Variants in SHISA6 observed in about 807,000 individuals in gnomAD.
The protein encoded by SHISA6 is protein shisa-6.
In SHISA6, 22 loss-of-function variants were observed where a neutral mutation model predicts 47.9. The ratio of observed to expected loss-of-function variants is 0.46; its 90% CI spans 0.33 to 0.66. SHISA6 has a LOEUF of 0.66. Ranked by LOEUF, SHISA6 falls within the 30% of genes least tolerant of loss-of-function variation. The pLI is 0.02. For synonymous variants in SHISA6, 388 were observed against 337.8 expected, an observed-to-expected ratio of 1.15 and a Z score of -1.63; for missense variants, 680 against 764.6, an observed-to-expected ratio of 0.89 and a Z score of 1.30.
chr17:11,280,984 G>A (rs907692409), intron 2 of SHISA6, among the ~76,000 whole-genome samples: 12 of 152,102 alleles, frequency 7.9e-5, no homozygotes, highest in African/African-American at 2.9e-4. Flanking sequence ...TTTATTGGTG[G>A]TATATAAAAA....
Position 11,368,863 on chromosome 17 carries a change from G to A in SHISA6, c.800-10551G>A, listed in dbSNP as rs552559349. 5.9e-5 allele frequency among the ~76,000 whole-genome samples: 9 copies of A among 152,188 alleles called. No homozygotes were observed. The South Asian group carries it at 1.9e-3, about 32-fold the overall frequency. Reference sequence around the variant, plus strand: ...GTAGAGACAGGGTTTCACTATGTTGGTCAGGCTGGTCTCGAACTCCTGACT... The same window carrying A: ...GTAGAGACAGGGTTTCACTATGTTGATCAGGCTGGTCTCGAACTCCTGACT... On this transcript the variant is annotated intron_variant, in intron 2 of 5. Coordinates refer to ENST00000441885, the MANE Select transcript of SHISA6 (RefSeq NM_207386.4).
intron 3 of SHISA6, among the ~76,000 whole-genome samples, chr17:11,411,223 C>T (rs1378208564): frequency 6.6e-6 from 1 of 152,176 alleles, no homozygotes; most frequent in African/African-American, 2.4e-5. Context: ...CCACCTCGGC[C>T]TCCCAAAGTG....
Position 11,241,501 on chromosome 17 carries a change from C to A in SHISA6, c.79C>A (p.Arg27Ser). The A allele has an allele frequency of 1.7e-6, 2 of 1,158,972 alleles. No individual in the cohort carries two copies. The highest frequency in any genetic ancestry group is 5.8e-5 in the East Asian group (1 of 17,310). 71.8% of individuals were successfully genotyped at this position (1,158,972 alleles called of 1,614,324 possible). A position where few individuals can be genotyped will look rare whatever the true frequency, so the allele number is the denominator to read the frequency against. The change falls in exon 1 of 6, where the codon CGC (arginine) becomes AGC (serine). Residue 27 changes from arginine (R) to serine (S), a missense_variant. By Grantham distance (110) the Arg-to-Ser change is moderately radical. Transcript: ENST00000441885. The surrounding 1 kb of genome is among the most constrained non-coding windows in gnomAD (Gnocchi z 5.5). ...CCTGCTGCCCAGCGTCCACGGAGCC[C>A]GCGGCCGCGCCGCCAACCGGACCCT... ...LDLLPSVHGA[R>S]GRAANRTLSA...
intron 3 of SHISA6, among the ~76,000 whole-genome samples, chr17:11,407,183 A>G (rs7212072): frequency 0.53 from 79,813 of 151,182 alleles, 22,186 homozygotes; most frequent in African/African-American, 0.67. Flanking sequence ...ACCGTCTTAC[A>G]AGATAACCAC....
At chr17:11,389,289 G>C (rs1913309065) in intron 3 of SHISA6, among the ~76,000 whole-genome samples, 1 of 152,174 alleles carries the variant, frequency 6.6e-6, no homozygotes, top group African/African-American at 2.4e-5. Context: ...GTAAGGAGAG[G>C]AGAGATAGTA....
intron 3 of SHISA6, among the ~76,000 whole-genome samples, chr17:11,405,369 C>T (rs529049019): frequency 5.3e-5 from 8 of 151,200 alleles, no homozygotes; most frequent in African/African-American, 1.7e-4. Flanking sequence ...AGCTATGGTT[C>T]TCCATCCCAG....
At chr17:11,330,474 T>A (rs1911057588) in intron 2 of SHISA6, among the ~76,000 whole-genome samples, 1 of 121,812 alleles carries the variant, frequency 8.2e-6, no homozygotes, top group Non-Finnish European at 1.7e-5. Flanking sequence ...TCTAAAATTC[T>A]GAGAGTAATG....
At chr17:11,544,946 G>A (rs1273069448) in intron 3 of SHISA6, among the ~76,000 whole-genome samples, 3 of 106,238 alleles carry the variant, frequency 2.8e-5, no homozygotes, top group Admixed American at 1.3e-4. Context: ...GGGCAACAGA[G>A]AAAGACTCTC....
intron 2 of SHISA6, 135 bp downstream of exon 2, chr17:11,263,661 G>A (rs1436858115): frequency 6.2e-6 from 7 of 1,135,878 alleles, no homozygotes; most frequent in Non-Finnish European, 8.7e-6. Flanking sequence ...GCTGGCAAAA[G>A]ATTTTTGGGA....
intron 3 of SHISA6, among the ~76,000 whole-genome samples, chr17:11,517,412 G>C (rs187619974): frequency 1.3e-5 from 2 of 152,290 alleles, no homozygotes; most frequent in Admixed American, 1.3e-4. Context: ...CCTCTTATCT[G>C]TAGCTATCTG....
At chr17:11,405,816 A>C (rs1030038159) in intron 3 of SHISA6, among the ~76,000 whole-genome samples, 1 of 151,988 alleles carries the variant, frequency 6.6e-6, no homozygotes, top group South Asian at 2.1e-4. Context: ...AAAGAAAAAA[A>C]ATTGTGCAGC....
At chr17:11,422,112 C>T (rs1205266910) in intron 3 of SHISA6, among the ~76,000 whole-genome samples, 28 of 152,150 alleles carry the variant, frequency 1.8e-4, no homozygotes, top group Admixed American at 1.8e-3. Flanking sequence ...CCTGGGAAGC[C>T]AGATCCCAGG....
At chr17:11,433,876 A>T (rs1047121319) in intron 3 of SHISA6, among the ~76,000 whole-genome samples, 1 of 152,108 alleles carries the variant, frequency 6.6e-6, no homozygotes, top group Non-Finnish European at 1.5e-5. Context: ...GGGATCTGCC[A>T]TCCAAACAAG....
intron 3 of SHISA6, among the ~76,000 whole-genome samples, chr17:11,508,353 G>A (rs2071517510): frequency 1.0e-5 from 1 of 97,792 alleles, no homozygotes; most frequent in Non-Finnish European, 2.2e-5. Context: ...AGACAGAAGG[G>A]TAAAAAGGGA....
chr17:11,542,085 A>T (rs1166185095), intron 3 of SHISA6, among the ~76,000 whole-genome samples: 1 of 152,194 alleles, frequency 6.6e-6, no homozygotes, highest in African/African-American at 2.4e-5. Flanking sequence ...AGCTCTAGAC[A>T]TTCTTGCCCA....
At chr17:11,500,252 C>T (rs1013007913) in intron 3 of SHISA6, among the ~76,000 whole-genome samples, 2 of 152,164 alleles carry the variant, frequency 1.3e-5, no homozygotes, top group African/African-American at 4.8e-5. Context: ...TTCTCACTTA[C>T]GGGAGGTGTC....
intron 2 of SHISA6, among the ~76,000 whole-genome samples, chr17:11,317,935 C>A (rs190250427): frequency 2.0e-4 from 31 of 151,886 alleles, no homozygotes; most frequent in African/African-American, 7.0e-4. Context: ...TTTACTTATC[C>A]CTCAGCCATT....
intron 2 of SHISA6, among the ~76,000 whole-genome samples, chr17:11,314,178 T>G (rs1000203493): frequency 9.9e-5 from 15 of 152,188 alleles, no homozygotes; most frequent in African/African-American, 3.6e-4. Context: ...TTTTGGTTAC[T>G]ATTTAAGTTG....
chr17:11,277,280 T>TCTCTCTCACACACACACACACACA (rs1386997909), intron 2 of SHISA6, among the ~76,000 whole-genome samples: 1 of 53,860 alleles, frequency 1.9e-5, no homozygotes, highest in Non-Finnish European at 3.4e-5. Context: ...TCTCTCTCTC[T>TCTCTCTCACACACACACACACACA]CACACACACA....
Sources: gnomAD v4.1 joint callset for allele counts (sites outside exome capture counted in the v4.1 genomes callset) on GRCh38, gnomAD v4.1.1 for gene constraint, Gnocchi (gnomAD v3.1) non-coding constraint, MANE v1.5 for transcripts, NCBI Gene and HGNC (gene_info 2026-07-23, HGNC 2026-07-21) for gene names.